Variants in ATP11B observed in about 807,000 individuals in gnomAD.
ATP11B encodes ATPase phospholipid transporting 11B (putative).
In ATP11B, 81 loss-of-function variants were observed where a neutral mutation model predicts 157.8. The observed-to-expected ratio is 0.51, with a 90% CI of 0.43 to 0.62. The LOEUF (loss-of-function observed/expected upper bound fraction) is 0.62. Ranked by LOEUF, ATP11B falls within the 20% of genes least tolerant of loss-of-function variation. The probability of loss-of-function intolerance (pLI) is 0.00; values close to 1 mark genes in which losing one functional copy is unlikely to be tolerated. For missense variants in ATP11B, 1,165 were observed against 1,402.2 expected (o/e 0.83, Z 2.70); for synonymous variants, 451 against 469.4 (o/e 0.96, Z 0.51).
chr3:182,876,363 T>C (rs1282306696), intron 19 of ATP11B, among the ~76,000 whole-genome samples: 1 of 152,160 alleles, frequency 6.6e-6, no homozygotes, highest in Non-Finnish European at 1.5e-5. Context: ...AAGTCTTCTG[T>C]ATATAGGTGG....
intron 1 of ATP11B, among the ~76,000 whole-genome samples, chr3:182,813,584 C>T (rs957734212): frequency 3.9e-5 from 6 of 152,006 alleles, no homozygotes; most frequent in Non-Finnish European, 8.8e-5. Context: ...CTAGGAACAC[C>T]AGAATAAAAA....
At chr3:182,886,446 C>T (rs1215524834) in intron 23 of ATP11B, among the ~76,000 whole-genome samples, 1 of 151,992 alleles carries the variant, frequency 6.6e-6, no homozygotes, top group Non-Finnish European at 1.5e-5. Flanking sequence ...CAGAAGCTAC[C>T]TTTAAATAAT....
In ATP11B at chr3:182,886,103, C is replaced by G. The variant is rs73883925; in HGVS notation, c.2715+93C>G. The G allele has an allele frequency of 2.0e-3, 1,573 of 799,506 alleles. 22 individuals carry two copies. The African/African-American group carries it at 0.025, about 13-fold the overall frequency. 49.5% of individuals were successfully genotyped at this position (799,506 alleles called of 1,614,324 possible). A position where few individuals can be genotyped will look rare whatever the true frequency, so the allele number is the denominator to read the frequency against. ...GATAGACGTTTGAAGGGACTTTTTT[C>G]ATTTTTCTTAGTCCTGCAGGGAACC... On this transcript the variant is annotated intron_variant, in intron 23 of 29. Transcript: ENST00000323116.
intron 15 of ATP11B, 138 bp downstream of exon 15, chr3:182,867,582 T>A: frequency 2.6e-6 from 1 of 390,600 alleles, no homozygotes; most frequent in Non-Finnish European, 4.4e-6. Context: ...CACATTACTT[T>A]TTTTTTTTTT....
chr3:182,874,155 G>A, intron 19 of ATP11B, 140 bp downstream of exon 19: 1 of 651,468 alleles, frequency 1.5e-6, no homozygotes, highest in Non-Finnish European at 2.6e-6. Flanking sequence ...TTTGATAGAT[G>A]AAATCCAAAG....
At chr3:182,797,253 C>T (rs1373661382) in intron 1 of ATP11B, among the ~76,000 whole-genome samples, 1 of 152,168 alleles carries the variant, frequency 6.6e-6, no homozygotes, top group African/African-American at 2.4e-5. Flanking sequence ...TCAAGCCTCT[C>T]TGCTACTTTT....
At chr3:182,827,449 A>G (rs1438827558) in intron 2 of ATP11B, among the ~76,000 whole-genome samples, 2 of 152,088 alleles carry the variant, frequency 1.3e-5, no homozygotes, top group Non-Finnish European at 1.5e-5. Flanking sequence ...ATTAAGTCCA[A>G]GGTCATTTAG....
At chr3:182,853,241 C>T (rs1295494593) in intron 10 of ATP11B, among the ~76,000 whole-genome samples, 1 of 152,136 alleles carries the variant, frequency 6.6e-6, no homozygotes, top group Non-Finnish European at 1.5e-5. Context: ...CAGAGTCTCA[C>T]TCTGTCACCA....
chr3:182,913,135 C>G (rs1300644419), intron 28 of ATP11B, among the ~76,000 whole-genome samples: 1 of 152,136 alleles, frequency 6.6e-6, no homozygotes, highest in East Asian at 1.9e-4. Context: ...CTTGATAGTA[C>G]TACTTATTCA....
chr3:182,843,856 A>G (rs987144200), intron 8 of ATP11B: 1 of 152,226 alleles, frequency 6.6e-6, no homozygotes, highest in African/African-American at 2.4e-5. Flanking sequence ...CAAAAATACC[A>G]TACATTCACA....
intron 9 of ATP11B, 98 bp downstream of exon 9, chr3:182,845,620 TATTA>T (rs1719453352): frequency 1.4e-6 from 1 of 716,428 alleles, no homozygotes; most frequent in African/African-American, 1.9e-5. Context: ...TTAGATAATT[TATTA>T]ATTATTTGTC....
At chr3:182,854,327 G>C in intron 10 of ATP11B, among the ~76,000 whole-genome samples, 1 of 151,860 alleles carries the variant, frequency 6.6e-6, no homozygotes, top group East Asian at 1.9e-4. Flanking sequence ...AAAATTAGCC[G>C]GGCATGGTGG....
At chr3:182,809,095 C>T (rs995971025) in intron 1 of ATP11B, among the ~76,000 whole-genome samples, 1 of 151,948 alleles carries the variant, frequency 6.6e-6, no homozygotes, top group Admixed American at 6.5e-5. Flanking sequence ...CAAAACTGTT[C>T]CCTCCTATAG....
chr3:182,797,751 G>A (rs896839977), intron 1 of ATP11B, among the ~76,000 whole-genome samples: 1 of 151,308 alleles, frequency 6.6e-6, no homozygotes, highest in African/African-American at 2.4e-5. Context: ...TCATTTTTTT[G>A]TTAGTTACAT....
intron 1 of ATP11B, among the ~76,000 whole-genome samples, chr3:182,798,773 A>G (rs1186616311): frequency 6.6e-6 from 1 of 152,264 alleles, no homozygotes. Flanking sequence ...TGAAATATGC[A>G]GTGGATCTTG....
chr3:182,890,218 C>G (rs747133556), intron 25 of ATP11B, among the ~76,000 whole-genome samples: 1 of 152,116 alleles, frequency 6.6e-6, no homozygotes, highest in Non-Finnish European at 1.5e-5. Context: ...CGGGGCTTAA[C>G]TAAATGGGTT....
At chr3:182,873,288 C>T (rs1721796390) in intron 18 of ATP11B, among the ~76,000 whole-genome samples, 1 of 151,900 alleles carries the variant, frequency 6.6e-6, no homozygotes, top group African/African-American at 2.4e-5. Flanking sequence ...TTATGTTTGC[C>T]TCCACCACCT....
intron 19 of ATP11B, among the ~76,000 whole-genome samples, chr3:182,874,757 C>A (rs1721911848): frequency 6.6e-6 from 1 of 152,058 alleles, no homozygotes; most frequent in African/African-American, 2.4e-5. Flanking sequence ...TATCCCTTGC[C>A]CAAAAGAAGT....
intron 4 of ATP11B, among the ~76,000 whole-genome samples, chr3:182,835,721 A>T (rs1408271758): frequency 6.6e-6 from 1 of 152,208 alleles, no homozygotes; most frequent in Non-Finnish European, 1.5e-5. Context: ...ACAGGGATAG[A>T]AGAAATCTCT....
Sources: gnomAD v4.1 joint callset for allele counts (sites outside exome capture counted in the v4.1 genomes callset) on GRCh38, gnomAD v4.1.1 for gene constraint, MANE v1.5 for transcripts, NCBI Gene and HGNC (gene_info 2026-07-23, HGNC 2026-07-21) for gene names.